The following PTPRS variants were observed in gnomAD, a reference collection of about 807,000 sequenced individuals.
PTPRS encodes the protein receptor-type tyrosine-protein phosphatase S.
Under a neutral mutation model 215.3 loss-of-function variants are expected in PTPRS, and 63 were observed. The ratio of observed to expected loss-of-function variants is 0.29; its 90% confidence interval spans 0.24 to 0.36. PTPRS has a LOEUF of 0.36. Ranked by LOEUF, PTPRS falls within the 10% of genes least tolerant of loss-of-function variation. PTPRS has a pLI of 1.00. For missense variants in PTPRS, 2,258 were observed against 2,825.8 expected, an observed-to-expected ratio of 0.80 and a Z score of 4.56; for synonymous variants, 1,404 against 1,191.4, an observed-to-expected ratio of 1.18 and a Z score of -3.68.
At chr19:5,233,978 T>G (rs1178842062) in intron 13 of PTPRS, among the ~76,000 whole-genome samples, 2 of 24,866 alleles carry the variant, frequency 8.0e-5, no homozygotes, top group Non-Finnish European at 2.1e-4. Flanking sequence ...AAAAAAAAAA[T>G]CTATATGTCA....
At chr19:5,233,291 G>A (rs2043169726) in intron 13 of PTPRS, among the ~76,000 whole-genome samples, 1 of 148,954 alleles carries the variant, frequency 6.7e-6, no homozygotes, top group South Asian at 2.2e-4. Flanking sequence ...AATAGTAAAA[G>A]CATCTATTTA....
At position 5,205,631 on chromosome 19, in the gene PTPRS, G is replaced by A. The variant is rs1173598264; in HGVS notation, c.*1143C>T. Among the ~76,000 whole-genome samples, 1 of 152,218 alleles carries A rather than the reference G, an allele frequency of 6.6e-6. No homozygotes were observed. Among genetic ancestry groups the A allele is most frequent in the Non-Finnish European group, 1.5e-5 (1 of 68,046 alleles). ...AACCGCAGACCTGCCCTTGTACAAA[G>A]AGGAACAACTCGCTTGCTCAGGGTA... On this transcript the variant is annotated 3_prime_UTR_variant, in exon 38 of 38. Transcript: ENST00000262963.
chr19:5,229,196 G>T, intron 16 of PTPRS, 120 bp downstream of exon 16: 1 of 1,127,382 alleles, frequency 8.9e-7, no homozygotes, highest in Non-Finnish European at 1.1e-6. Flanking sequence ...GGGGCGCATG[G>T]GAGGGCCCAG....
intron 14 of PTPRS, 144 bp from the exon 15 acceptor site, chr19:5,229,828 C>A (rs1325416524): frequency 2.2e-5 from 11 of 491,508 alleles, no homozygotes; most frequent in Non-Finnish European, 2.8e-5. Context: ...CACCACCGGG[C>A]GGGAGGACAT....
intron 20 of PTPRS, 124 bp downstream of exon 20, chr19:5,220,876 G>A (rs912965475): frequency 1.7e-6 from 2 of 1,153,472 alleles, no homozygotes; most frequent in Admixed American, 2.2e-5. Context: ...CATGAACTAG[G>A]GCTGATAGGG....
In PTPRS at chr19:5,283,856, T is replaced by C. The variant is rs146425059; in HGVS notation, c.91+2194A>G. 1.6e-4 allele frequency among the ~76,000 whole-genome samples: 24 copies of C among 151,672 alleles called. No individual in the cohort carries two copies. In the East Asian group the frequency reaches 4.5e-3, roughly 29 times the overall value. ...GGGAGGCTGAGTTGGGAGGATCGCT[T>C]AAATCTAGGAGTTTGAGACCAGCCT... On this transcript the variant is annotated intron_variant, in intron 2 of 37. Coordinates refer to ENST00000262963, the MANE Select transcript of PTPRS (RefSeq NM_002850.4).
At chr19:5,241,535 C>T (rs957052024) in intron 11 of PTPRS, among the ~76,000 whole-genome samples, 4 of 151,816 alleles carry the variant, frequency 2.6e-5, no homozygotes, top group Non-Finnish European at 2.9e-5. Context: ...CCTCCTGCCT[C>T]AGCCTCCCAA....
At chr19:5,285,725 T>C (rs1228277964) in intron 2 of PTPRS, among the ~76,000 whole-genome samples, 1 of 152,172 alleles carries the variant, frequency 6.6e-6, no homozygotes, top group Non-Finnish European at 1.5e-5. Context: ...ACACTGGGTT[T>C]TGTCAGGCTC....
chr19:5,301,562 C>T (rs1270780955), intron 1 of PTPRS, among the ~76,000 whole-genome samples: 1 of 151,064 alleles, frequency 6.6e-6, no homozygotes, highest in Non-Finnish European at 1.5e-5. Context: ...GTGATCCACT[C>T]GCCTCAGCCT....
chr19:5,222,804 C>A lies in PTPRS; in HGVS notation c.2988G>T (p.Thr996=). ...CCGTGTCGGGCTTCAGGCCCTGCAG[C>A]GTGAGCGCGTTCTCCGCGCCCGGCT... ...AAEPGAENAL[T]LQGLKPDTAY... is the part of the protein sequence containing the mutation. The change falls in exon 18 of 38, where the codon ACG becomes ACT. Residue 996 remains threonine, a synonymous_variant. Transcript: ENST00000262963. The A allele has an allele frequency of 6.3e-7, 1 of 1,597,866 alleles. No individual in the cohort carries two copies. Among genetic ancestry groups the A allele is most frequent in the African/African-American group, 1.3e-5 (1 of 74,846 alleles).
chr19:5,312,908 C>G (rs2049753419), intron 1 of PTPRS, among the ~76,000 whole-genome samples: 1 of 152,116 alleles, frequency 6.6e-6, no homozygotes, highest in Non-Finnish European at 1.5e-5. Context: ...GCCCCAAAAC[C>G]TGGCCTAGGA....
Position 5,206,626 on chromosome 19 carries a change from C to G in PTPRS, c.*148G>C, listed in dbSNP as rs1030954575. 1 of 661,688 alleles carries G rather than the reference C, an allele frequency of 1.5e-6. No homozygotes were observed. The highest frequency in any genetic ancestry group is 2.6e-6 in the Non-Finnish European group (1 of 390,220). 41.0% of individuals were successfully genotyped at this position (661,688 alleles called of 1,614,324 possible). ...GCCGGTGGGGGGGCTCGAGGGGCTG[C>G]GTCGTCCTCGGAAATGGTGCAGAAA... is the stretch of plus-strand genomic sequence containing the variant. On this transcript the variant is annotated 3_prime_UTR_variant, in exon 38 of 38. Coordinates refer to ENST00000262963, the MANE Select transcript of PTPRS (RefSeq NM_002850.4).
chr19:5,275,217 C>T (rs1417651051), intron 2 of PTPRS, among the ~76,000 whole-genome samples: 4 of 149,848 alleles, frequency 2.7e-5, no homozygotes, highest in African/African-American at 9.8e-5. Flanking sequence ...ACTACAGGTG[C>T]CCACCACCAT....
chr19:5,239,371 AGACAGAGATAGAGACAGAGGGACACAGT>A lies in PTPRS; in HGVS notation c.1705-336_1705-309del, dbSNP rs1227890628. Reference sequence around the variant, plus strand: ...GAGAGTCAGAGACAGAGGGACACAGAGACAGAGATAGAGACAGAGGGACACAGTGACAGAGATAGAGACAGAGAAACAA... The same window carrying A: ...GAGAGTCAGAGACAGAGGGACACAGAGACAGAGATAGAGACAGAGAAACAA... On this transcript the variant is annotated intron_variant, in intron 12 of 37. Transcript: ENST00000262963. Among the ~76,000 whole-genome samples the A allele has an allele frequency of 5.9e-5, 9 of 151,350 alleles. No individual in the cohort carries two copies. In the East Asian group the frequency reaches 1.8e-3, roughly 29 times the overall value.
Position 5,269,853 on chromosome 19 carries a change from G to A in PTPRS, c.379+3589C>T, listed in dbSNP as rs537095670. Among the ~76,000 whole-genome samples the A allele has an allele frequency of 8.0e-5, 12 of 149,280 alleles. No individual in the cohort carries two copies. The South Asian group carries it at 1.1e-3, about 13-fold the overall frequency. ...GGAGAATTGCCTGAACCCAGGAGGC[G>A]GAGGTTGCAGTGAGCCAAGATCACG... is the stretch of plus-strand genomic sequence containing the variant. On this transcript the variant is annotated intron_variant, in intron 4 of 37. Transcript: ENST00000262963.
intron 30 of PTPRS, among the ~76,000 whole-genome samples, chr19:5,212,924 G>GTTTCCAAGTAGAGTCTTT (rs2041056166): frequency 7.1e-6 from 1 of 140,074 alleles, no homozygotes; most frequent in African/African-American, 3.3e-5. Context: ...GCCCTGGACG[G>GTTTCCAAGTAGAGTCTTT]TTTCCAAGTA....
At chr19:5,288,956 T>TC (rs1452689324) in intron 1 of PTPRS, among the ~76,000 whole-genome samples, 1 of 151,470 alleles carries the variant, frequency 6.6e-6, no homozygotes, top group African/African-American at 2.4e-5. Flanking sequence ...GGCCATGGAC[T>TC]CCCCCCAGAT....
chr19:5,215,232 C>A (rs2041313591), intron 28 of PTPRS, 57 bp downstream of exon 28: 1 of 1,603,460 alleles, frequency 6.2e-7, no homozygotes, highest in African/African-American at 1.3e-5. Context: ...GACATGGGAT[C>A]TAGCACTTTC....
intron 26 of PTPRS, among the ~76,000 whole-genome samples, chr19:5,216,286 A>G (rs2041442911): frequency 6.6e-6 from 1 of 151,932 alleles, no homozygotes. Context: ...TCCCTTCCCG[A>G]TATCTGGGTC....
Sources: allele counts gnomAD v4.1 joint callset (sites outside exome capture counted in the v4.1 genomes callset), GRCh38; gene constraint gnomAD v4.1.1; transcripts MANE v1.5; gene names NCBI Gene and HGNC (gene_info 2026-07-23, HGNC 2026-07-21).